BRINP2: variants seen among roughly 807,000 people sequenced by gnomAD.
The protein encoded by BRINP2 is BMP/retinoic acid-inducible neural-specific protein 2.
A neutral mutation model predicts 69.2 loss-of-function variants in BRINP2; 21 were observed. The ratio of observed to expected loss-of-function variants is 0.30; its 90% confidence interval spans 0.22 to 0.44. BRINP2 has a LOEUF of 0.44. Among genes scored for constraint, BRINP2 ranks in the 20% least tolerant of loss-of-function variants. The probability of loss-of-function intolerance (pLI) is 1.00; values close to 1 mark genes in which losing one functional copy is unlikely to be tolerated. For synonymous variants in BRINP2, 380 were observed against 394.1 expected (o/e 0.96, Z 0.42); for missense variants, 877 against 986.0 (o/e 0.89, Z 1.48).
intron 3 of BRINP2, chr1:177,256,416 G>A (rs1342725242): frequency 2.0e-6 from 2 of 985,290 alleles, no homozygotes; most frequent in Non-Finnish European, 2.4e-6. Flanking sequence ...CAACCCCTGA[G>A]GCTTCGCCAC....
intron 2 of BRINP2, among the ~76,000 whole-genome samples, chr1:177,251,437 C>T (rs1286501397): frequency 2.6e-5 from 4 of 152,126 alleles, no homozygotes; most frequent in South Asian, 2.1e-4. Context: ...CTTATCTACT[C>T]GAAGGAAAAC....
At chr1:177,275,095 C>T (rs1364392433) in intron 5 of BRINP2, 8 of 456,024 alleles carry the variant, frequency 1.8e-5, no homozygotes, top group East Asian at 6.9e-5. Flanking sequence ...CTCACAGTGT[C>T]GCTACTGGGG....
At chr1:177,231,868 A>G (rs1330441657) in intron 2 of BRINP2, among the ~76,000 whole-genome samples, 1 of 152,106 alleles carries the variant, frequency 6.6e-6, no homozygotes, top group Non-Finnish European at 1.5e-5. Context: ...GGAACAGAGT[A>G]GAGGGTTAAC....
chr1:177,183,137 CT>C (rs71129597), intron 1 of BRINP2, among the ~76,000 whole-genome samples: 2,826 of 54,246 alleles, frequency 0.052, 2 homozygotes, highest in Non-Finnish European at 0.066. Flanking sequence ...AGTGTGTGAG[CT>C]TTTTTTTTTT....
chr1:177,272,375 C>G (rs1284247327), intron 4 of BRINP2, among the ~76,000 whole-genome samples: 2 of 152,234 alleles, frequency 1.3e-5, no homozygotes, highest in Non-Finnish European at 2.9e-5. Flanking sequence ...CCTCCCTACC[C>G]TGAAAAGCCT....
intron 2 of BRINP2, among the ~76,000 whole-genome samples, chr1:177,251,846 T>C (rs1034442492): frequency 2.0e-5 from 3 of 152,180 alleles, no homozygotes; most frequent in African/African-American, 7.2e-5. Context: ...GTGAGGGGCT[T>C]CGACCATTAT....
At chr1:177,222,004 G>C (rs1649548027) in intron 1 of BRINP2, among the ~76,000 whole-genome samples, 1 of 152,200 alleles carries the variant, frequency 6.6e-6, no homozygotes. Context: ...AAGGGCCCTG[G>C]GTTGAACCCA....
chr1:177,184,408 CAACA>C (rs1389101615), intron 1 of BRINP2, among the ~76,000 whole-genome samples: 5 of 152,184 alleles, frequency 3.3e-5, no homozygotes, highest in Admixed American at 3.3e-4. Context: ...CTCAGGATAG[CAACA>C]AACAAACAAA....
chr1:177,177,587 C>G (rs1369696233), intron 1 of BRINP2, among the ~76,000 whole-genome samples: 1 of 152,100 alleles, frequency 6.6e-6, no homozygotes, highest in Non-Finnish European at 1.5e-5. Flanking sequence ...CCCAAATTAC[C>G]TTTATTACTG....
intron 1 of BRINP2, among the ~76,000 whole-genome samples, chr1:177,211,903 T>A (rs1206079000): frequency 6.6e-6 from 1 of 152,246 alleles, no homozygotes; most frequent in Admixed American, 6.5e-5. Flanking sequence ...GGATTATCAC[T>A]GTGATGATTG....
At chr1:177,198,276 C>T (rs954643780) in intron 1 of BRINP2, among the ~76,000 whole-genome samples, 2 of 152,178 alleles carry the variant, frequency 1.3e-5, no homozygotes, top group African/African-American at 4.8e-5. Context: ...TGTCTTTAGA[C>T]ATGTATTAAG....
chr1:177,263,706 T>C (rs1432015658), intron 4 of BRINP2, among the ~76,000 whole-genome samples: 1 of 152,186 alleles, frequency 6.6e-6, no homozygotes, highest in Non-Finnish European at 1.5e-5. Context: ...TTACAGAGTC[T>C]GGAGTGAGAG....
intron 4 of BRINP2, among the ~76,000 whole-genome samples, chr1:177,270,551 G>C (rs544219018): frequency 2.0e-5 from 3 of 152,076 alleles, no homozygotes; most frequent in Non-Finnish European, 2.9e-5. Flanking sequence ...AGGGAGAAGT[G>C]GGGGGAAAGG....
At chr1:177,215,677 C>T (rs1649355414) in intron 1 of BRINP2, among the ~76,000 whole-genome samples, 1 of 151,934 alleles carries the variant, frequency 6.6e-6, no homozygotes, top group African/African-American at 2.4e-5. Context: ...ATGTTTATGC[C>T]TTTTACATAT....
Position 177,230,082 on chromosome 1 carries a change from A to G in BRINP2, c.206A>G (p.Gln69Arg), listed in dbSNP as rs758005507. Residue 69 changes from glutamine to arginine, a missense_variant, in exon 2 of 8, where the codon CAG becomes CGG. By Grantham distance (43) the Gln-to-Arg change is conservative (BLOSUM62 1). Coordinates refer to ENST00000361539, the MANE Select transcript of BRINP2 (RefSeq NM_021165.4). ...LTDRGPFHRA[Q>R]EYADFMERYR... ...GACCGGGGCCCCTTCCACCGCGCTC[A>G]GGAGTATGCTGACTTCATGGAGCGG... 5.0e-6 allele frequency: 8 copies of G among 1,613,780 alleles called. No individual in the cohort carries two copies. The Admixed American group carries it at 1.3e-4, about 27-fold the overall frequency.
intron 1 of BRINP2, among the ~76,000 whole-genome samples, chr1:177,206,881 A>G (rs540105981): frequency 3.3e-5 from 5 of 152,308 alleles, no homozygotes; most frequent in African/African-American, 1.2e-4. Context: ...CATCTAAGAC[A>G]TATGTGGATA....
intron 1 of BRINP2, among the ~76,000 whole-genome samples, chr1:177,193,700 C>T (rs1472057070): frequency 6.6e-6 from 1 of 152,160 alleles, no homozygotes; most frequent in Non-Finnish European, 1.5e-5. Flanking sequence ...CAGAGAAAAC[C>T]CTGCCTTGTC....
chr1:177,270,089 G>GGA (rs1055279390), intron 4 of BRINP2, among the ~76,000 whole-genome samples: 2 of 136,054 alleles, frequency 1.5e-5, no homozygotes, highest in Non-Finnish European at 3.2e-5. Context: ...GGGTGGGGGG[G>GGA]GTGGTTCTCA....
At chr1:177,217,760 C>A (rs1030939559) in intron 1 of BRINP2, among the ~76,000 whole-genome samples, 1 of 152,138 alleles carries the variant, frequency 6.6e-6, no homozygotes, top group Non-Finnish European at 1.5e-5. Flanking sequence ...GATGGCTGGG[C>A]TACTGCTTTT....
Sources: allele counts gnomAD v4.1 joint callset (sites outside exome capture counted in the v4.1 genomes callset), GRCh38; gene constraint gnomAD v4.1.1; transcripts MANE v1.5; gene names NCBI Gene and HGNC (gene_info 2026-07-23, HGNC 2026-07-21).